Variants in CSMD3 observed in about 807,000 individuals in gnomAD.
CSMD3 encodes the protein CUB and Sushi multiple domains 3, also known as CUB and sushi domain-containing protein 3.
In CSMD3, 177 loss-of-function variants were observed where a neutral mutation model predicts 435.2. The ratio of observed to expected loss-of-function variants is 0.41; its 90% CI spans 0.36 to 0.46. CSMD3 has a LOEUF of 0.46. Among genes scored for constraint, CSMD3 ranks in the 20% least tolerant of loss-of-function variants. The probability of loss-of-function intolerance (pLI) is 0.34; values close to 1 mark genes in which losing one functional copy is unlikely to be tolerated. For missense variants in CSMD3, 4,265 were observed against 4,504.6 expected, an observed-to-expected ratio of 0.95 and a Z score of 1.52; for synonymous variants, 1,656 against 1,520.5, an observed-to-expected ratio of 1.09 and a Z score of -2.07.
chr8:113,191,966 C>T (rs920652004), intron 3 of CSMD3, among the ~76,000 whole-genome samples: 1 of 151,808 alleles, frequency 6.6e-6, no homozygotes, highest in African/African-American at 2.4e-5. Flanking sequence ...GATGGTATCT[C>T]ATTGTGGTTT....
At chr8:112,911,142 T>C (rs149036332) in intron 10 of CSMD3, among the ~76,000 whole-genome samples, 1,624 of 152,020 alleles carry the variant, frequency 0.011, 17 homozygotes, top group Non-Finnish European at 0.018. Flanking sequence ...TCTAAAGTCA[T>C]ATTACTTTTT....
At chr8:113,010,395 T>G (rs2086214906) in intron 6 of CSMD3, among the ~76,000 whole-genome samples, 1 of 151,782 alleles carries the variant, frequency 6.6e-6, no homozygotes, top group South Asian at 2.1e-4. Flanking sequence ...GATTGGCAAA[T>G]TTTAAGTTTA....
At chr8:112,981,121 T>C (rs1211129869) in intron 6 of CSMD3, among the ~76,000 whole-genome samples, 2 of 151,536 alleles carry the variant, frequency 1.3e-5, no homozygotes, top group East Asian at 1.9e-4. Flanking sequence ...GCTGTATTTA[T>C]GTTGAAACTT....
chr8:113,019,288 T>G, intron 5 of CSMD3, 109 bp from the exon 6 acceptor site: 1 of 739,540 alleles, frequency 1.4e-6, no homozygotes. Flanking sequence ...GACTTTGCAC[T>G]GTCAACTTTT....
At chr8:113,224,660 G>T (rs1279961600) in intron 3 of CSMD3, among the ~76,000 whole-genome samples, 1 of 151,186 alleles carries the variant, frequency 6.6e-6, no homozygotes, top group East Asian at 1.9e-4. Context: ...TATTTATATA[G>T]TGGGTCCTTA....
chr8:112,993,299 C>A (rs1285168350), intron 6 of CSMD3, among the ~76,000 whole-genome samples: 2 of 151,710 alleles, frequency 1.3e-5, no homozygotes, highest in Admixed American at 6.6e-5. Flanking sequence ...GTGAATAATG[C>A]TTTTCTATGA....
chr8:112,894,128 TTTCAGAAATTTTTACTTACCAC>T (rs1174913100), intron 10 of CSMD3, among the ~76,000 whole-genome samples: 18 of 151,574 alleles, frequency 1.2e-4, no homozygotes, highest in South Asian at 8.3e-4. Context: ...AAATAGATGA[TTTCAGAAATTTTTACTTACCAC>T]TTCAAGTTCC....
chr8:112,438,330 C>T (rs1247106580), intron 32 of CSMD3, among the ~76,000 whole-genome samples: 1 of 152,144 alleles, frequency 6.6e-6, no homozygotes, highest in Non-Finnish European at 1.5e-5. Flanking sequence ...GTTATAAACT[C>T]TAACATGTGA....
At chr8:112,373,129 T>C (rs1008392300) in intron 38 of CSMD3, among the ~76,000 whole-genome samples, 9 of 151,694 alleles carry the variant, frequency 5.9e-5, no homozygotes, top group Non-Finnish European at 1.0e-4. Flanking sequence ...CCATGTTTCC[T>C]GAAACCTTCA....
At chr8:112,938,243 C>G (rs1204548125) in intron 9 of CSMD3, among the ~76,000 whole-genome samples, 1 of 152,112 alleles carries the variant, frequency 6.6e-6, no homozygotes, top group African/African-American at 2.4e-5. Flanking sequence ...TTTATTAATG[C>G]CCATGAACTT....
intron 35 of CSMD3, among the ~76,000 whole-genome samples, chr8:112,403,061 G>T (rs1226815941): frequency 6.6e-6 from 1 of 152,130 alleles, no homozygotes; most frequent in Non-Finnish European, 1.5e-5. Context: ...CACAAGATAG[G>T]CGGAACATTA....
chr8:113,288,975 C>A (rs2093665301), intron 2 of CSMD3, among the ~76,000 whole-genome samples: 1 of 151,700 alleles, frequency 6.6e-6, no homozygotes, highest in African/African-American at 2.4e-5. Flanking sequence ...GATGAACCCA[C>A]CCAAGGTTCA....
intron 1 of CSMD3, among the ~76,000 whole-genome samples, chr8:113,321,133 C>T (rs2093946755): frequency 6.6e-6 from 1 of 152,088 alleles, no homozygotes; most frequent in African/African-American, 2.4e-5. Context: ...TGCCCATCTA[C>T]TCAGGTCCCC....
At chr8:112,659,271 C>G (rs1161107215) in intron 17 of CSMD3, among the ~76,000 whole-genome samples, 1 of 152,118 alleles carries the variant, frequency 6.6e-6, no homozygotes, top group Non-Finnish European at 1.5e-5. Flanking sequence ...TAGGGTTACA[C>G]AATAAATTGA....
At chr8:112,827,164 A>ATATATAT (rs1564000272) in intron 12 of CSMD3, among the ~76,000 whole-genome samples, 1,755 of 82,708 alleles carry the variant, frequency 0.021, 328 homozygotes, top group East Asian at 0.048. Context: ...GGTTACCATA[A>ATATATAT]ATATATATAT....
rs118122410 is a variant in CSMD3, at chr8:112,580,733, T to C, written c.3885+6333A>G. On this transcript the variant is annotated intron_variant, in intron 23 of 70. Transcript: ENST00000297405. ...GGGATAACTAGGATCCAGCAGTGGA[T>C]GCCCAATTGTACTGCTGACTTCAGA... is the stretch of plus-strand genomic sequence containing the variant. Among the ~76,000 whole-genome samples the C allele has an allele frequency of 2.7e-3, 409 of 152,172 alleles. 6 individuals carry two copies. Among genetic ancestry groups the C allele is most frequent in the East Asian group, 0.026 (136 of 5,142 alleles).
intron 5 of CSMD3, among the ~76,000 whole-genome samples, chr8:113,055,699 A>G (rs1258266546): frequency 1.3e-5 from 2 of 152,214 alleles, no homozygotes; most frequent in Non-Finnish European, 2.9e-5. Flanking sequence ...TTAAGTTTTA[A>G]GTTCAAGAGA....
In CSMD3 at chr8:112,550,886, C is replaced by A. The variant is rs2131191011; in HGVS notation, c.4362-13G>T. 1.3e-6 allele frequency: 2 copies of A among 1,578,230 alleles called. No homozygotes were observed. Among genetic ancestry groups the A allele is most frequent in the Non-Finnish European group, 1.7e-6 (2 of 1,147,898 alleles). ...AAGAAACTGCAAGCTGTGGGAGAAC[C>A]ATATTTCTCTGATTATTTTAAACAA... On this transcript the variant is annotated splice_polypyrimidine_tract_variant and intron_variant, in intron 26 of 70. Transcript: ENST00000297405.
In CSMD3 at chr8:112,356,168, T is replaced by G. The variant is rs137889542; in HGVS notation, c.6137-3634A>C. On this transcript the variant is annotated intron_variant, in intron 38 of 70. Transcript: ENST00000297405. ...AGAACTACCATTTAACCCAGCAATC[T>G]CATTACTGGGTGTAGAATCAAAGGA... Among the ~76,000 whole-genome samples, 983 of 152,202 alleles carry G rather than the reference T, an allele frequency of 6.5e-3. 7 individuals carry two copies. Among genetic ancestry groups the G allele is most frequent in the African/African-American group, 0.022 (911 of 41,540 alleles).
Sources: gnomAD v4.1 joint callset for allele counts (sites outside exome capture counted in the v4.1 genomes callset) on GRCh38, gnomAD v4.1.1 for gene constraint, MANE v1.5 for transcripts, NCBI Gene and HGNC (gene_info 2026-07-23, HGNC 2026-07-21) for gene names.